TRANK1: variants seen among roughly 807,000 people sequenced by gnomAD.
TRANK1 encodes tetratricopeptide repeat and ankyrin repeat containing 1.
Under a neutral mutation model 266.0 loss-of-function variants are expected in TRANK1, and 198 were observed. That is an observed-to-expected ratio of 0.74 (90% CI 0.66 to 0.84). The LOEUF (loss-of-function observed/expected upper bound fraction) is 0.84, where lower values mean the gene tolerates loss of function less well. TRANK1 is among the 40% of genes least tolerant of loss of function. The pLI is 0.00. For synonymous variants in TRANK1, 1,396 were observed against 1,384.1 expected, an observed-to-expected ratio of 1.01 and a Z score of -0.19; for missense variants, 3,326 against 3,634.6, an observed-to-expected ratio of 0.92 and a Z score of 2.18.
chr3:36,900,971 A>C (rs1440298382), intron 3 of TRANK1, among the ~76,000 whole-genome samples: 1 of 151,836 alleles, frequency 6.6e-6, no homozygotes, highest in Non-Finnish European at 1.5e-5. Context: ...ATTTGTTTTA[A>C]CTTTCATTTT....
intron 18 of TRANK1, among the ~76,000 whole-genome samples, chr3:36,841,492 C>G (rs554544554): frequency 6.6e-6 from 1 of 152,268 alleles, no homozygotes; most frequent in East Asian, 1.9e-4. Context: ...TGTTAGTTAC[C>G]CACAGCAGTT....
chr3:36,924,978 A>G (rs938107539), intron 1 of TRANK1, among the ~76,000 whole-genome samples: 3 of 152,142 alleles, frequency 2.0e-5, no homozygotes, highest in Non-Finnish European at 4.4e-5. Context: ...ATCTCACACC[A>G]TAAAGGTCTG....
In TRANK1 at chr3:36,874,236, C is replaced by T. The variant is rs765493342; in HGVS notation, c.968G>A (p.Arg323Gln). 10 of 1,537,052 alleles carry T rather than the reference C, an allele frequency of 6.5e-6. No homozygotes were observed. The highest frequency in any genetic ancestry group is 2.4e-5 in the East Asian group (1 of 40,926). The change falls in exon 9 of 24, where the codon CGA becomes CAA. Residue 323 changes from arginine to glutamine, a missense_variant. Transcript: ENST00000645898. ...GACATCCACAACAGACCGAGACTGTCGATCCAGCAAAGTGGGATCTGCCCC... is the reference window on the plus strand; with the variant it reads ...GACATCCACAACAGACCGAGACTGTTGATCCAGCAAAGTGGGATCTGCCCC... ...RFGADPTLLD[R>Q]QSRSVVDVLK... is the part of the protein sequence containing the mutation.
At chr3:36,847,443 G>GA (rs1173589929) in intron 15 of TRANK1, 97 bp from the exon 16 acceptor site, 1 of 1,367,454 alleles carries the variant, frequency 7.3e-7, no homozygotes, top group Non-Finnish European at 1.0e-6. Flanking sequence ...CTCATCGGGG[G>GA]ACCAGGCCTT....
chr3:36,944,625 G>T (rs1165315857), intron 1 of TRANK1, among the ~76,000 whole-genome samples, 162 bp downstream of exon 1: 1 of 152,144 alleles, frequency 6.6e-6, no homozygotes, highest in Non-Finnish European at 1.5e-5. Context: ...ACTGGCTCGG[G>T]TCTGCACCTA....
intron 8 of TRANK1, among the ~76,000 whole-genome samples, chr3:36,885,284 G>A (rs936210721): frequency 6.6e-6 from 1 of 152,170 alleles, no homozygotes; most frequent in Non-Finnish European, 1.5e-5. Flanking sequence ...AATCATTTCT[G>A]TAATATTCTC....
intron 13 of TRANK1, among the ~76,000 whole-genome samples, chr3:36,854,590 T>C (rs1056124975): frequency 3.3e-5 from 5 of 152,240 alleles, no homozygotes; most frequent in Admixed American, 1.3e-4. Flanking sequence ...TAAACTTGTG[T>C]ACCTTAGTTT....
At chr3:36,944,424 C>G (rs1467321747) in intron 1 of TRANK1, among the ~76,000 whole-genome samples, 1 of 152,220 alleles carries the variant, frequency 6.6e-6, no homozygotes, top group Non-Finnish European at 1.5e-5. Context: ...CGGGGGCGCG[C>G]TCGCTGGTCA....
At chr3:36,842,869 A>G (rs934335238) in intron 17 of TRANK1, among the ~76,000 whole-genome samples, 159 bp from the exon 18 acceptor site, 1 of 152,210 alleles carries the variant, frequency 6.6e-6, no homozygotes, top group African/African-American at 2.4e-5. Flanking sequence ...GGAGAGAGAT[A>G]GGGCCTTTAC....
At chr3:36,925,129 T>C (rs1262831378) in intron 1 of TRANK1, among the ~76,000 whole-genome samples, 2 of 152,204 alleles carry the variant, frequency 1.3e-5, no homozygotes, top group African/African-American at 2.4e-5. Flanking sequence ...CTGTAAAGTT[T>C]AACCTTTTCC....
At position 36,851,297 on chromosome 3, in the gene TRANK1, T is replaced by C. The variant is rs1316729315; in HGVS notation, c.4887+422A>G. On this transcript the variant is annotated intron_variant, in intron 15 of 23. Coordinates refer to ENST00000645898, the MANE Select transcript of TRANK1 (RefSeq NM_001329998.2). The stretch of plus-strand genomic sequence containing the variant: ...GGCAGGAACCAAGCCTCATTTGTCT[T>C]CCTGGAATTGTCTCTATCTATGAAC... 6.1e-6 allele frequency: 6 copies of C among 988,526 alleles called. No homozygotes were observed. The African/African-American group carries it at 7.0e-5, about 11-fold the overall frequency. 61.2% of individuals were successfully genotyped at this position (988,526 alleles called of 1,614,324 possible).
chr3:36,933,056 G>A (rs2080381004), intron 1 of TRANK1, among the ~76,000 whole-genome samples: 1 of 151,528 alleles, frequency 6.6e-6, no homozygotes, highest in South Asian at 2.1e-4. Flanking sequence ...TTTGTTACAT[G>A]TCCAGACATG....
chr3:36,940,172 A>G (rs2125672631), intron 1 of TRANK1, among the ~76,000 whole-genome samples: 1 of 151,236 alleles, frequency 6.6e-6, no homozygotes, highest in Admixed American at 6.6e-5. Flanking sequence ...GGCATGACCC[A>G]CCGCGCCTGG....
intron 1 of TRANK1, among the ~76,000 whole-genome samples, chr3:36,939,351 A>T (rs1375083058): frequency 6.6e-6 from 1 of 151,766 alleles, no homozygotes; most frequent in Non-Finnish European, 1.5e-5. Context: ...ACCATGTTTT[A>T]GCCACATGAC....
chr3:36,850,168 G>A (rs991094994), intron 15 of TRANK1: 12 of 985,358 alleles, frequency 1.2e-5, no homozygotes, highest in Non-Finnish European at 1.4e-5. Context: ...CCTCTTTTAG[G>A]AGAGCCTCAG....
chr3:36,850,849 G>GTGC, intron 15 of TRANK1: 2 of 985,416 alleles, frequency 2.0e-6, no homozygotes, highest in Non-Finnish European at 2.4e-6. Context: ...AAAGCCAACA[G>GTGC]TGCTCTTGAC....
chr3:36,833,571 G>A lies in TRANK1; in HGVS notation c.6012C>T (p.Ser2004=), dbSNP rs373743367. The A allele has an allele frequency of 6.1e-5, 99 of 1,613,740 alleles. No homozygotes were observed. In the East Asian group the frequency reaches 6.9e-4, roughly 11 times the overall value. ...GAARLNVARD[S]DIEHTKDILR... is the part of the protein sequence containing the mutation. ...GAATGTCCTTGGTGTGTTCTATGTCGGAATCCCTGGCCACATTGAGGCGGG... is the reference window on the plus strand; with the variant it reads ...GAATGTCCTTGGTGTGTTCTATGTCAGAATCCCTGGCCACATTGAGGCGGG... Residue 2004 remains serine (S), a synonymous_variant, in exon 22 of 24, where the codon TCC becomes TCT. Transcript: ENST00000645898.
At chr3:36,886,424 C>T (rs529590762) in intron 8 of TRANK1, among the ~76,000 whole-genome samples, 12 of 152,054 alleles carry the variant, frequency 7.9e-5, no homozygotes, top group Admixed American at 7.2e-4. Context: ...CCTCTCTTTA[C>T]GTTTTATCCT....
At chr3:36,921,357 C>T (rs1165899692) in intron 1 of TRANK1, among the ~76,000 whole-genome samples, 4 of 152,200 alleles carry the variant, frequency 2.6e-5, no homozygotes, top group African/African-American at 9.7e-5. Context: ...GAGTCACATC[C>T]TCCTATAGAA....
Sources: allele counts gnomAD v4.1 joint callset (sites outside exome capture counted in the v4.1 genomes callset), GRCh38; gene constraint gnomAD v4.1.1; transcripts MANE v1.5; gene names NCBI Gene and HGNC (gene_info 2026-07-23, HGNC 2026-07-21).